Variants in BDKRB2 observed in about 807,000 individuals in gnomAD.
The protein encoded by BDKRB2 is B2 bradykinin receptor.
A neutral mutation model predicts 4.0 loss-of-function variants in BDKRB2; 6 were observed. That is an observed-to-expected ratio of 1.49 (90% confidence interval 0.81 to 2.93). The LOEUF is 2.93. Ranked by LOEUF, BDKRB2 falls within the 30% of genes most tolerant of loss-of-function variation. The probability of loss-of-function intolerance (pLI) is 0.00; values close to 1 mark genes in which losing one functional copy is unlikely to be tolerated. For synonymous variants in BDKRB2, 225 were observed against 215.3 expected, an observed-to-expected ratio of 1.05 and a Z score of -0.40; for missense variants, 478 against 520.1, an observed-to-expected ratio of 0.92 and a Z score of 0.79.
At chr14:96,212,440 G>C (rs1890323632) in intron 1 of BDKRB2, among the ~76,000 whole-genome samples, 1 of 151,968 alleles carries the variant, frequency 6.6e-6, no homozygotes, top group African/African-American at 2.4e-5. Context: ...AGATAATAAT[G>C]ATCCAAAAAA....
chr14:96,233,170 C>G (rs1323982974), intron 1 of BDKRB2, among the ~76,000 whole-genome samples: 1 of 152,118 alleles, frequency 6.6e-6, no homozygotes, highest in Non-Finnish European at 1.5e-5. Flanking sequence ...AGGACCAGGA[C>G]TACAGGTGTG....
chr14:96,240,115 C>G, intron 2 of BDKRB2: 1 of 1,146,112 alleles, frequency 8.7e-7, no homozygotes, highest in Non-Finnish European at 1.1e-6. Flanking sequence ...GGGTCCAACA[C>G]TTGAGATTGT....
chr14:96,238,229 T>C (rs1409647375), intron 2 of BDKRB2: 3 of 560,770 alleles, frequency 5.3e-6, no homozygotes, highest in African/African-American at 4.1e-5. Flanking sequence ...AGGTGGCAAG[T>C]TGGTTCCCCC....
At chr14:96,223,008 T>C in intron 1 of BDKRB2, 1 of 656,530 alleles carries the variant, frequency 1.5e-6, no homozygotes, top group South Asian at 1.8e-5. Context: ...CAACTGGAAG[T>C]TGGAAGAAAA....
At chr14:96,233,039 T>G (rs958425311) in intron 1 of BDKRB2, among the ~76,000 whole-genome samples, 2 of 151,868 alleles carry the variant, frequency 1.3e-5, no homozygotes, top group Non-Finnish European at 2.9e-5. Flanking sequence ...GCCTTTTTGT[T>G]TTTTTGAGAC....
At chr14:96,212,491 T>C (rs1890324363) in intron 1 of BDKRB2, among the ~76,000 whole-genome samples, 1 of 152,088 alleles carries the variant, frequency 6.6e-6, no homozygotes, top group African/African-American at 2.4e-5. Flanking sequence ...AATGACAAGT[T>C]AGAAAGGTAA....
intron 1 of BDKRB2, 123 bp downstream of exon 1, chr14:96,205,082 T>C (rs754972451): frequency 3.0e-5 from 5 of 163,990 alleles, no homozygotes; most frequent in Non-Finnish European, 6.7e-5. Context: ...TCGTGGGGAG[T>C]TGGGAAAAGT....
At position 96,225,722 on chromosome 14, in the gene BDKRB2, G is replaced by A. The variant is rs74086567; in HGVS notation, c.-39-11347G>A. Among the ~76,000 whole-genome samples the A allele has an allele frequency of 5.2e-3, 796 of 152,268 alleles. 13 individuals are homozygous for A. Among genetic ancestry groups the A allele is most frequent in the African/African-American group, 0.018 (768 of 41,554 alleles). ...CTCCTCTGGCCTGCTTGCTGGGCAG[G>A]GCCCAAACCAGTTCAGGATTCCTTT... On this transcript the variant is annotated intron_variant, in intron 1 of 2. Coordinates refer to ENST00000554311, the MANE Select transcript of BDKRB2 (RefSeq NM_001379692.1).
intron 1 of BDKRB2, among the ~76,000 whole-genome samples, chr14:96,231,381 C>G (rs1250995906): frequency 1.3e-5 from 2 of 152,194 alleles, no homozygotes; most frequent in African/African-American, 4.8e-5. Flanking sequence ...CCCCTACAGA[C>G]AGCTTTGGCC....
intron 1 of BDKRB2, among the ~76,000 whole-genome samples, chr14:96,235,567 G>A (rs1890911726): frequency 6.6e-6 from 1 of 152,024 alleles, no homozygotes; most frequent in African/African-American, 2.4e-5. Flanking sequence ...GTGCTTAGGG[G>A]TTCCTGCAAA....
Position 96,216,706 on chromosome 14 carries a change from GGAGGAGGAA to G in BDKRB2, c.-40+11753_-40+11761del, listed in dbSNP as rs1223801467. 6.3e-3 allele frequency among the ~76,000 whole-genome samples: 777 copies of G among 123,268 alleles called. 12 individuals carry two copies. Among genetic ancestry groups the G allele is most frequent in the African/African-American group, 0.022 (708 of 32,052 alleles). The allele number at this position is 123,268 out of a possible 152,430, so 80.9% of individuals were successfully genotyped here. A position where few individuals can be genotyped will look rare whatever the true frequency, so the allele number is the denominator to read the frequency against. On this transcript the variant is annotated intron_variant, in intron 1 of 2. Transcript: ENST00000554311. The stretch of plus-strand genomic sequence containing the variant: ...GAGGAGGAGGAGGAAGGAGGAGGAA[GGAGGAGGAA>G]GAGGAAGGAGGAGGAGGAAGGAGGA...
intron 1 of BDKRB2, among the ~76,000 whole-genome samples, chr14:96,224,309 C>T (rs888606209): frequency 6.6e-6 from 1 of 152,178 alleles, no homozygotes; most frequent in Non-Finnish European, 1.5e-5. Flanking sequence ...GAACCATCAT[C>T]TCCACCTGAG....
chr14:96,240,763 C>T lies in BDKRB2; in HGVS notation c.435C>T (p.Ile145=). The stretch of plus-strand genomic sequence containing the variant: ...TCTCCATGAACCTGTACAGCAGCAT[C>T]TGTTTCCTGATGCTGGTGAGCATCG... The part of the protein sequence containing the change: ...AIISMNLYSS[I]CFLMLVSIDR... The change falls in exon 3 of 3, where the codon ATC becomes ATT. Residue 145 remains isoleucine, a synonymous_variant. Transcript: ENST00000554311. The T allele has an allele frequency of 6.4e-7, 1 of 1,570,072 alleles. No individual in the cohort carries two copies. The highest frequency in any genetic ancestry group is 8.6e-7 in the Non-Finnish European group (1 of 1,159,104).
chr14:96,232,667 G>C (rs1246825720), intron 1 of BDKRB2, among the ~76,000 whole-genome samples: 1 of 152,224 alleles, frequency 6.6e-6, no homozygotes, highest in African/African-American at 2.4e-5. Context: ...AACCTGCTCA[G>C]TCTGTTGAAA....
In BDKRB2 at chr14:96,211,612, A is replaced by G. The variant is rs545822762; in HGVS notation, c.-40+6653A>G. ...GGACTCCTCAAATGAACTGTAGCAC[A>G]TTGGGGAGATGGACTCTGTGAAGAT... On this transcript the variant is annotated intron_variant, in intron 1 of 2. Coordinates refer to ENST00000554311, the MANE Select transcript of BDKRB2 (RefSeq NM_001379692.1). Among the ~76,000 whole-genome samples the G allele has an allele frequency of 3.3e-5, 5 of 152,280 alleles. No individual in the cohort carries two copies. The South Asian group carries it at 1.0e-3, about 32-fold the overall frequency.
Position 96,232,205 on chromosome 14 carries a change from G to A in BDKRB2, c.-39-4864G>A, listed in dbSNP as rs116049238. Among the ~76,000 whole-genome samples the A allele has an allele frequency of 2.2e-3, 339 of 152,272 alleles. 2 individuals are homozygous for A. Among genetic ancestry groups the A allele is most frequent in the African/African-American group, 7.8e-3 (323 of 41,550 alleles). ...GTGCTCCATGCATCTGACACACACG[G>A]ACTCGTCTACTCCACACAGCACCCT... On this transcript the variant is annotated intron_variant, in intron 1 of 2. Coordinates refer to ENST00000554311, the MANE Select transcript of BDKRB2 (RefSeq NM_001379692.1).
rs377422653 is a variant in BDKRB2 at position 96,206,459 on chromosome 14, G to C, written c.-40+1500G>C. Reference sequence around the variant, plus strand: ...TTTGGGATTCCCTCCCTTGCAAACGGGGAGGTTCCCATGGTTGGGCCTGCA... The same window carrying C: ...TTTGGGATTCCCTCCCTTGCAAACGCGGAGGTTCCCATGGTTGGGCCTGCA... On this transcript the variant is annotated intron_variant, in intron 1 of 2. Coordinates refer to ENST00000554311, the MANE Select transcript of BDKRB2 (RefSeq NM_001379692.1). Among the ~76,000 whole-genome samples, 29 of 152,266 alleles carry C rather than the reference G, an allele frequency of 1.9e-4. No homozygotes were observed. In the East Asian group the frequency reaches 3.9e-3, roughly 20 times the overall value.
rs1364628125 is a variant in BDKRB2, at chr14:96,244,089, T to C, written c.*2585T>C. The C allele has an allele frequency of 1.0e-5, 4 of 398,048 alleles. No individual in the cohort carries two copies. The highest frequency in any genetic ancestry group is 8.8e-5 in the Admixed American group (2 of 22,706). 24.7% of individuals were successfully genotyped at this position (398,048 alleles called of 1,614,324 possible). A position where few individuals can be genotyped will look rare whatever the true frequency, so the allele number is the denominator to read the frequency against. ...GCTGTTATGTTGTAAACAGGAAGCA[T>C]TTCACATCCAAACGAGAAAATCATG... is the stretch of plus-strand genomic sequence containing the variant. On this transcript the variant is annotated 3_prime_UTR_variant, in exon 3 of 3. Transcript: ENST00000554311.
intron 1 of BDKRB2, among the ~76,000 whole-genome samples, chr14:96,216,542 G>C (rs1396544347): frequency 6.6e-6 from 1 of 151,872 alleles, no homozygotes; most frequent in Non-Finnish European, 1.5e-5. Context: ...AGGATCGCTT[G>C]AACCCGGTGG....
Sources: allele counts gnomAD v4.1 joint callset (sites outside exome capture counted in the v4.1 genomes callset), GRCh38; gene constraint gnomAD v4.1.1; transcripts MANE v1.5; gene names NCBI Gene and HGNC (gene_info 2026-07-23, HGNC 2026-07-21).